CRYBG1: variants seen among roughly 807,000 people sequenced by gnomAD.
CRYBG1 encodes the protein beta/gamma crystallin domain-containing protein 1.
CRYBG1 carries 139 observed loss-of-function variants against 189.2 expected under a neutral mutation model. The ratio of observed to expected loss-of-function variants is 0.73; its 90% CI spans 0.64 to 0.85. The LOEUF is 0.85. Among genes scored for constraint, CRYBG1 ranks in the 40% least tolerant of loss-of-function variants. The pLI, the probability that CRYBG1 is intolerant of heterozygous loss-of-function variation, is 0.00. For missense variants in CRYBG1, 2,611 were observed against 2,675.8 expected (o/e 0.98, Z 0.53); for synonymous variants, 1,023 against 1,017.1 (o/e 1.01, Z -0.11).
chr6:106,533,139 G>A (rs1562108366), intron 8 of CRYBG1, among the ~76,000 whole-genome samples: 1 of 152,226 alleles, frequency 6.6e-6, no homozygotes, highest in South Asian at 2.1e-4. Context: ...ATTTTAGATA[G>A]GGTAGCTAGT....
At chr6:106,457,109 A>T (rs1464583044) in intron 2 of CRYBG1, 1 of 152,210 alleles carries the variant, frequency 6.6e-6, no homozygotes, top group East Asian at 1.9e-4. Context: ...ATTAAATAAT[A>T]TCTAAAATGG....
chr6:106,482,055 C>T (rs1772474721), intron 2 of CRYBG1, among the ~76,000 whole-genome samples: 1 of 152,248 alleles, frequency 6.6e-6, no homozygotes, highest in Non-Finnish European at 1.5e-5. Flanking sequence ...TGTACTTTCG[C>T]TGTGTCCTCT....
chr6:106,434,217 G>T (rs892854988), intron 1 of CRYBG1, among the ~76,000 whole-genome samples: 3 of 151,962 alleles, frequency 2.0e-5, no homozygotes, highest in Non-Finnish European at 2.9e-5. Flanking sequence ...AGGAGAAAGA[G>T]GGACACACTG....
rs1202471455 is a variant in CRYBG1 at position 106,561,531 on chromosome 6, AT to A, written c.6138+32del. 6.9e-6 allele frequency: 11 copies of A among 1,596,094 alleles called. No individual in the cohort carries two copies. In the Admixed American group the frequency reaches 6.9e-5, roughly 10 times the overall value. ...CTTTAGGATTCCACGGGGGCCTGTG[AT>A]GGCTTTGCTAGGAGGTGACTCATCC... On this transcript the variant is annotated intron_variant, in intron 20 of 21. Coordinates refer to ENST00000633556, the MANE Select transcript of CRYBG1 (RefSeq NM_001371242.2).
intron 1 of CRYBG1, among the ~76,000 whole-genome samples, chr6:106,386,779 A>G (rs1016866058): frequency 1.3e-5 from 2 of 152,224 alleles, no homozygotes; most frequent in African/African-American, 4.8e-5. Context: ...GCTGTAAATA[A>G]CAGATGAAGC....
intron 1 of CRYBG1, among the ~76,000 whole-genome samples, chr6:106,409,558 G>A (rs1298386832): frequency 3.3e-5 from 5 of 150,622 alleles, no homozygotes; most frequent in Non-Finnish European, 7.4e-5. Context: ...AAGAGCCCGT[G>A]TAGCCAAGAC....
In CRYBG1 at chr6:106,512,712, GC is replaced by G; in HGVS notation, c.1600del (p.Arg534GlyfsTer89). Reference sequence around the variant, plus strand: ...GCCGTGCCCGCCCCGCCCGCCAGCGGCCCCCGGGCTCCCGCCAAGGAGTCCC... The same window carrying G: ...GCCGTGCCCGCCCCGCCCGCCAGCGGCCCCGGGCTCCCGCCAAGGAGTCCC... ...LEAVPAPPASGPRAPAKESPP... is the reference protein window; with the variant it reads ...LEAVPAPPASXPRAPAKESPP... On this transcript the variant is annotated frameshift_variant, in exon 3 of 22. Coordinates refer to ENST00000633556, the MANE Select transcript of CRYBG1 (RefSeq NM_001371242.2). LOFTEE classifies it high-confidence loss of function. The G allele has an allele frequency of 1.9e-6, 3 of 1,551,344 alleles. No homozygotes were observed. Among genetic ancestry groups the G allele is most frequent in the South Asian group, 1.2e-5 (1 of 84,084 alleles).
chr6:106,375,152 G>A lies in CRYBG1; in HGVS notation c.173+14071G>A, dbSNP rs3851211. On this transcript the variant is annotated intron_variant, in intron 1 of 21. Transcript: ENST00000633556. Reference sequence around the variant, plus strand: ...AATCGCAACACCTTGGGGAAGCTGAGGCAGGAGGATCACTTGAGGCCAAAA... The same window carrying A: ...AATCGCAACACCTTGGGGAAGCTGAAGCAGGAGGATCACTTGAGGCCAAAA... 3.1e-3 allele frequency among the ~76,000 whole-genome samples: 471 copies of A among 151,880 alleles called. 2 individuals are homozygous for A. The highest frequency in any genetic ancestry group is 0.011 in the African/African-American group (437 of 41,394).
chr6:106,518,692 TCATGCCTGTAATCCCAGC>T (rs1773497086), intron 3 of CRYBG1, among the ~76,000 whole-genome samples: 2 of 152,192 alleles, frequency 1.3e-5, no homozygotes, highest in African/African-American at 4.8e-5. Context: ...GAATGGTGGC[TCATGCCTGTAATCCCAGC>T]ACTTGGGGAG....
chr6:106,501,579 C>A (rs1218294555), intron 2 of CRYBG1, among the ~76,000 whole-genome samples: 1 of 152,206 alleles, frequency 6.6e-6, no homozygotes, highest in Non-Finnish European at 1.5e-5. Flanking sequence ...ATAAAGCCAG[C>A]CATCACTGTC....
chr6:106,429,554 A>G (rs1001614359), intron 1 of CRYBG1, among the ~76,000 whole-genome samples: 27 of 152,224 alleles, frequency 1.8e-4, no homozygotes, highest in Non-Finnish European at 2.6e-4. Flanking sequence ...TTGCTGTGGG[A>G]TATATTCCTT....
At chr6:106,456,957 A>T (rs1771900488) in intron 2 of CRYBG1, among the ~76,000 whole-genome samples, 1 of 152,160 alleles carries the variant, frequency 6.6e-6, no homozygotes, top group African/African-American at 2.4e-5. Flanking sequence ...ATTGTGTCTC[A>T]AGTCACCTAG....
chr6:106,553,267 A>C (rs558618962), intron 15 of CRYBG1, among the ~76,000 whole-genome samples, 188 bp from the exon 16 acceptor site: 1 of 152,336 alleles, frequency 6.6e-6, no homozygotes, highest in South Asian at 2.1e-4. Context: ...AATAGTCACG[A>C]ATGGCGCAGC....
chr6:106,529,569 A>AG (rs1465068454), intron 7 of CRYBG1, among the ~76,000 whole-genome samples: 1 of 152,246 alleles, frequency 6.6e-6, no homozygotes, highest in Middle Eastern at 3.2e-3. Context: ...ATTAACGCTT[A>AG]GGCACTGGAC....
intron 20 of CRYBG1, among the ~76,000 whole-genome samples, chr6:106,563,083 C>A (rs1774773253): frequency 2.0e-5 from 3 of 152,318 alleles, no homozygotes; most frequent in South Asian, 4.1e-4. Flanking sequence ...TTGTGAGCCA[C>A]TGTACCTGGC....
intron 2 of CRYBG1, among the ~76,000 whole-genome samples, chr6:106,473,817 T>C (rs539724428): frequency 4.6e-5 from 7 of 152,364 alleles, no homozygotes; most frequent in African/African-American, 1.7e-4. Flanking sequence ...CATAATTTTC[T>C]GGACATGTAA....
intron 2 of CRYBG1, among the ~76,000 whole-genome samples, chr6:106,466,036 AT>A (rs1215031531): frequency 1.3e-5 from 2 of 152,268 alleles, no homozygotes; most frequent in African/African-American, 4.8e-5. Context: ...TCAAGTTGAA[AT>A]TACTGGGGGC....
At chr6:106,472,165 T>A (rs975644687) in intron 2 of CRYBG1, among the ~76,000 whole-genome samples, 3 of 152,186 alleles carry the variant, frequency 2.0e-5, no homozygotes, top group African/African-American at 7.2e-5. Flanking sequence ...AAAAATAAAT[T>A]TCATATAGTA....
At chr6:106,560,659 G>A in intron 18 of CRYBG1, 144 bp from the exon 19 acceptor site, 2 of 1,028,390 alleles carry the variant, frequency 1.9e-6, no homozygotes, top group Non-Finnish European at 1.3e-6. Context: ...TCTTTTAAGT[G>A]TTCTAGAAAA....
Sources: gnomAD v4.1 joint callset for allele counts (sites outside exome capture counted in the v4.1 genomes callset) on GRCh38, gnomAD v4.1.1 for gene constraint, MANE v1.5 for transcripts, NCBI Gene and HGNC (gene_info 2026-07-23, HGNC 2026-07-21) for gene names.